TPD52: variants seen among roughly 807,000 people sequenced by gnomAD.
TPD52 encodes tumor protein D52, also known as prostate and colon associated protein.
Under a neutral mutation model 31.3 loss-of-function variants are expected in TPD52, and 17 were observed. The ratio of observed to expected loss-of-function variants is 0.54; its 90% CI spans 0.37 to 0.82. The LOEUF (loss-of-function observed/expected upper bound fraction) is 0.82, where lower values mean the gene tolerates loss of function less well. Among genes scored for constraint, TPD52 ranks in the 40% least tolerant of loss-of-function variants. TPD52 has a pLI of 0.00. For synonymous variants in TPD52, 83 were observed against 89.6 expected (o/e 0.93, Z 0.42); for missense variants, 212 against 240.1 (o/e 0.88, Z 0.77).
At chr8:80,057,062 G>A (rs534906606) in intron 2 of TPD52, among the ~76,000 whole-genome samples, 2 of 152,260 alleles carry the variant, frequency 1.3e-5, no homozygotes, top group Admixed American at 1.3e-4. Context: ...CAGCTACTCA[G>A]GAGGCTGAGG....
chr8:80,111,971 T>C (rs1004876553), intron 1 of TPD52, among the ~76,000 whole-genome samples: 18 of 152,254 alleles, frequency 1.2e-4, no homozygotes, highest in Admixed American at 7.9e-4. Flanking sequence ...AAATAAACCA[T>C]TGTATGTGTG....
At chr8:80,120,570 T>C (rs1808195196) in intron 1 of TPD52, among the ~76,000 whole-genome samples, 1 of 152,180 alleles carries the variant, frequency 6.6e-6, no homozygotes, top group African/African-American at 2.4e-5. Context: ...TAAAACACAA[T>C]ATATGCATAG....
At chr8:80,148,895 A>C (rs1182452145) in intron 1 of TPD52, among the ~76,000 whole-genome samples, 1 of 152,122 alleles carries the variant, frequency 6.6e-6, no homozygotes, top group Admixed American at 6.6e-5. Context: ...TTTTTAACCT[A>C]AAAGCAAACA....
intron 2 of TPD52, among the ~76,000 whole-genome samples, chr8:80,057,666 G>C (rs1812044214): frequency 6.6e-6 from 1 of 152,162 alleles, no homozygotes; most frequent in East Asian, 1.9e-4. Flanking sequence ...GGGGATTCCA[G>C]AAGTGGAGAG....
chr8:80,056,481 C>A (rs896464374), intron 2 of TPD52, among the ~76,000 whole-genome samples: 2 of 152,094 alleles, frequency 1.3e-5, no homozygotes, highest in African/African-American at 4.8e-5. Flanking sequence ...AGTCTAGTAT[C>A]TAGAACATAT....
chr8:80,169,451 A>G (rs1048949870), intron 1 of TPD52, among the ~76,000 whole-genome samples: 4 of 152,254 alleles, frequency 2.6e-5, no homozygotes, highest in East Asian at 1.9e-4. Context: ...TGAAAAAAAT[A>G]TGTCTTAGAA....
chr8:80,093,644 G>C (rs1438903322), intron 1 of TPD52, among the ~76,000 whole-genome samples: 1 of 151,740 alleles, frequency 6.6e-6, no homozygotes, highest in Non-Finnish European at 1.5e-5. Flanking sequence ...CATTTAGGCA[G>C]TTAAACTTGC....
intron 3 of TPD52, among the ~76,000 whole-genome samples, chr8:80,052,837 T>TTAA (rs1045639471): frequency 2.0e-5 from 3 of 151,986 alleles, no homozygotes; most frequent in African/African-American, 7.2e-5. Context: ...AAAAAATACA[T>TTAA]TAATAATAAT....
At chr8:80,104,259 T>C (rs1327508418) in intron 1 of TPD52, among the ~76,000 whole-genome samples, 1 of 152,142 alleles carries the variant, frequency 6.6e-6, no homozygotes, top group Non-Finnish European at 1.5e-5. Flanking sequence ...CTTCCCAGTT[T>C]GGGGGTGTGG....
downstream of TPD52, among the ~76,000 whole-genome samples, chr8:80,032,373 A>G (rs1809716741): frequency 6.6e-6 from 1 of 152,094 alleles, no homozygotes; most frequent in Non-Finnish European, 1.5e-5. Flanking sequence ...ACGCCATCTT[A>G]AGGATTCTGA....
intron 1 of TPD52, among the ~76,000 whole-genome samples, chr8:80,079,264 T>C (rs1814959359): frequency 6.6e-6 from 1 of 152,048 alleles, no homozygotes; most frequent in Non-Finnish European, 1.5e-5. Flanking sequence ...GCAATCAGAA[T>C]CCCCCAGCAG....
chr8:80,171,141 CT>C (rs1812057437), intron 1 of TPD52: 1 of 687,062 alleles, frequency 1.5e-6, no homozygotes, highest in Non-Finnish European at 2.7e-6. Context: ...CCGCCAGCCC[CT>C]GACGCTAGCC....
At chr8:80,079,052 C>T (rs1272243482) in intron 1 of TPD52, among the ~76,000 whole-genome samples, 1 of 152,170 alleles carries the variant, frequency 6.6e-6, no homozygotes, top group African/African-American at 2.4e-5. Flanking sequence ...TCAAAGGTTC[C>T]CTCCCTCCCC....
intron 1 of TPD52, among the ~76,000 whole-genome samples, chr8:80,147,450 T>A (rs957144844): frequency 6.6e-6 from 1 of 152,184 alleles, no homozygotes; most frequent in African/African-American, 2.4e-5. Context: ...GTCTTACTGG[T>A]GACTCCGGTG....
intron 1 of TPD52, among the ~76,000 whole-genome samples, chr8:80,088,817 CA>C (rs561540770): frequency 7.4e-4 from 112 of 152,262 alleles, no homozygotes; most frequent in African/African-American, 2.6e-3. Flanking sequence ...GATGCTCACG[CA>C]AAAGGCCTTT....
rs369970300 is a variant in TPD52 at position 80,044,259 on chromosome 8, T to C, written c.414-51A>G. The C allele has an allele frequency of 3.0e-4, 415 of 1,405,684 alleles. 5 individuals carry two copies. The African/African-American group carries it at 5.5e-3, about 19-fold the overall frequency. 87.1% of individuals were successfully genotyped at this position (1,405,684 alleles called of 1,614,324 possible). A position where few individuals can be genotyped will look rare whatever the true frequency, so the allele number is the denominator to read the frequency against. On this transcript the variant is annotated intron_variant, in intron 5 of 7. Coordinates refer to ENST00000518937, the MANE Select transcript of TPD52 (RefSeq NM_001025253.3). The stretch of plus-strand genomic sequence containing the variant: ...AGAAATAAGGTTAGTATAGTGGTGC[T>C]TCAACATTATTAAAAGCTGACAAAA...
intron 1 of TPD52, among the ~76,000 whole-genome samples, chr8:80,088,180 A>C (rs1193468799): frequency 1.3e-5 from 2 of 152,154 alleles, no homozygotes; most frequent in African/African-American, 4.8e-5. Context: ...AGTAAGGATA[A>C]GCCAGTCCCT....
intron 1 of TPD52, among the ~76,000 whole-genome samples, chr8:80,068,214 A>T (rs1813381168): frequency 6.6e-6 from 1 of 152,160 alleles, no homozygotes; most frequent in African/African-American, 2.4e-5. Flanking sequence ...CCCCATAACC[A>T]CCATCCGAGA....
intron 1 of TPD52, among the ~76,000 whole-genome samples, chr8:80,069,157 G>T (rs996174540): frequency 1.3e-5 from 2 of 152,108 alleles, no homozygotes; most frequent in Non-Finnish European, 2.9e-5. Context: ...ATCTAAAAAA[G>T]AACTTCAATA....
Sources: allele counts gnomAD v4.1 joint callset (sites outside exome capture counted in the v4.1 genomes callset), GRCh38; gene constraint gnomAD v4.1.1; transcripts MANE v1.5; gene names NCBI Gene and HGNC (gene_info 2026-07-23, HGNC 2026-07-21).